Variants in IPP observed in about 807,000 individuals in gnomAD.
The protein encoded by IPP is intracisternal A particle-promoted polypeptide, also known as actin-binding protein IPP.
IPP carries 41 observed loss-of-function variants against 64.1 expected under a neutral mutation model. The observed-to-expected ratio is 0.64, with a 90% CI of 0.50 to 0.83. The LOEUF (loss-of-function observed/expected upper bound fraction) is 0.83, where lower values mean the gene tolerates loss of function less well. IPP is among the 40% of genes least tolerant of loss of function. The pLI, the probability that IPP is intolerant of heterozygous loss-of-function variation, is 0.00. For missense variants in IPP, 649 were observed against 703.0 expected (o/e 0.92, Z 0.87); for synonymous variants, 214 against 235.2 (o/e 0.91, Z 0.83).
chr1:45,747,834 C>CAAAAAAAAAAAA (rs60576414), intron 1 of IPP, among the ~76,000 whole-genome samples: 1 of 39,296 alleles, frequency 2.5e-5, no homozygotes, highest in South Asian at 1.3e-3. Flanking sequence ...GACTCTGTCT[C>CAAAAAAAAAAAA]AAAAAAAAAA....
chr1:45,708,932 G>A (rs942495470), intron 8 of IPP, among the ~76,000 whole-genome samples: 2 of 149,928 alleles, frequency 1.3e-5, no homozygotes, highest in African/African-American at 4.9e-5. Flanking sequence ...TACTTGGGAG[G>A]CTGAGGCAGG....
chr1:45,734,231 A>G (rs1215518237), intron 3 of IPP, among the ~76,000 whole-genome samples: 1 of 152,138 alleles, frequency 6.6e-6, no homozygotes, highest in Non-Finnish European at 1.5e-5. Context: ...ACAATTTGAA[A>G]CTATGATTCT....
At chr1:45,730,227 C>A (rs1645888952) in intron 3 of IPP, among the ~76,000 whole-genome samples, 1 of 152,010 alleles carries the variant, frequency 6.6e-6, no homozygotes, top group South Asian at 2.1e-4. Context: ...TGGCACATGC[C>A]TATAGTTCCA....
At chr1:45,727,599 TAATTAAG>T in intron 5 of IPP, 25 bp downstream of exon 5, 4 of 1,401,898 alleles carry the variant, frequency 2.9e-6, no homozygotes, top group Non-Finnish European at 3.9e-6. Flanking sequence ...CCAACAAGAC[TAATTAAG>T]AAAATAAGAC....
intron 8 of IPP, among the ~76,000 whole-genome samples, chr1:45,701,727 TATG>T (rs2148546056): frequency 6.6e-6 from 1 of 152,320 alleles, no homozygotes; most frequent in South Asian, 2.1e-4. Flanking sequence ...AAATAAAGCA[TATG>T]ATGAACAAAG....
chr1:45,730,380 C>T (rs1265218511), intron 3 of IPP, among the ~76,000 whole-genome samples: 3 of 151,342 alleles, frequency 2.0e-5, no homozygotes, highest in Non-Finnish European at 4.4e-5. Flanking sequence ...AGAAGAATTT[C>T]CAAATAAAGA....
At chr1:45,714,536 T>G in intron 7 of IPP, 70 bp from the exon 8 acceptor site, 1 of 887,756 alleles carries the variant, frequency 1.1e-6, no homozygotes, top group Non-Finnish European at 1.9e-6. Context: ...AAGTAATGAT[T>G]GTGATCTATG....
chr1:45,748,666 T>C (rs1390706416), intron 1 of IPP, among the ~76,000 whole-genome samples: 1 of 151,976 alleles, frequency 6.6e-6, no homozygotes, highest in Non-Finnish European at 1.5e-5. Context: ...AGCAAGACCG[T>C]GTCTCAACAA....
chr1:45,725,482 G>A lies in IPP; in HGVS notation c.1048+2149C>T, dbSNP rs1378235049. Among the ~76,000 whole-genome samples the A allele has an allele frequency of 2.4e-4, 31 of 129,714 alleles. No individual in the cohort carries two copies. The East Asian group carries it at 3.7e-3, about 15-fold the overall frequency. The allele number at this position is 129,714 out of a possible 152,430, so 85.1% of individuals were successfully genotyped here. ...AGGGAGGTGGGGGTGTCAGCCCCCCGCCCGGCCAGCCGCCCCATCCGGGAG... is the reference window on the plus strand; with the variant it reads ...AGGGAGGTGGGGGTGTCAGCCCCCCACCCGGCCAGCCGCCCCATCCGGGAG... On this transcript the variant is annotated intron_variant, in intron 5 of 8. Coordinates refer to ENST00000396478, the MANE Select transcript of IPP (RefSeq NM_005897.3).
intron 1 of IPP, among the ~76,000 whole-genome samples, chr1:45,746,793 CA>C (rs1646139952): frequency 6.6e-6 from 1 of 152,094 alleles, no homozygotes; most frequent in African/African-American, 2.4e-5. Flanking sequence ...TAACAAAGCA[CA>C]CATCACAGAG....
intron 8 of IPP, among the ~76,000 whole-genome samples, chr1:45,704,322 C>T (rs571524976): frequency 6.6e-6 from 1 of 151,744 alleles, no homozygotes; most frequent in Admixed American, 6.6e-5. Context: ...ACTGCAGCCT[C>T]GGCTTCCTGG....
chr1:45,726,167 A>AG (rs1283745568), intron 5 of IPP, among the ~76,000 whole-genome samples: 1 of 151,206 alleles, frequency 6.6e-6, no homozygotes, highest in Non-Finnish European at 1.5e-5. Context: ...CTCTAAAAAA[A>AG]AAAAAAAATG....
chr1:45,722,685 C>A (rs1386998432), intron 5 of IPP, among the ~76,000 whole-genome samples: 1 of 151,684 alleles, frequency 6.6e-6, no homozygotes, highest in African/African-American at 2.4e-5. Flanking sequence ...TAAGTATATA[C>A]CCAAAAGAAA....
At chr1:45,705,190 C>T (rs1355208599) in intron 8 of IPP, among the ~76,000 whole-genome samples, 1 of 152,210 alleles carries the variant, frequency 6.6e-6, no homozygotes, top group African/African-American at 2.4e-5. Flanking sequence ...GCTCTCCTGC[C>T]CTGCTACAGC....
At chr1:45,721,714 A>C (rs555366008) in intron 5 of IPP, among the ~76,000 whole-genome samples, 48 of 152,394 alleles carry the variant, frequency 3.1e-4, no homozygotes, top group Admixed American at 3.9e-4. Context: ...CCTACAAATC[A>C]ACAAAATAGA....
intron 4 of IPP, among the ~76,000 whole-genome samples, chr1:45,729,258 T>C (rs1411734222): frequency 6.6e-6 from 1 of 152,100 alleles, no homozygotes; most frequent in African/African-American, 2.4e-5. Context: ...ATGACTAGGA[T>C]ACTGTGAATA....
chr1:45,699,606 A>G lies in IPP; in HGVS notation c.*360T>C, dbSNP rs1305836366. 1.0e-6 allele frequency: 1 copy of G among 999,130 alleles called. No homozygotes were observed. Among genetic ancestry groups the G allele is most frequent in the Admixed American group, 5.6e-5 (1 of 17,998 alleles). 61.9% of individuals were successfully genotyped at this position (999,130 alleles called of 1,614,324 possible). A position where few individuals can be genotyped will look rare whatever the true frequency, so the allele number is the denominator to read the frequency against. The stretch of plus-strand genomic sequence containing the variant: ...GCAAATCTGTGTGAGCTCTTTATTA[A>G]TTGGGATATATTCCATATCCATTCT... On this transcript the variant is annotated 3_prime_UTR_variant, in exon 9 of 9. Coordinates refer to ENST00000396478, the MANE Select transcript of IPP (RefSeq NM_005897.3).
downstream of IPP, among the ~76,000 whole-genome samples, chr1:45,696,001 G>C (rs904248278): frequency 2.0e-5 from 3 of 152,104 alleles, no homozygotes; most frequent in African/African-American, 7.2e-5. Flanking sequence ...TTTCCACTCA[G>C]TCTCAATCTG....
intron 6 of IPP, among the ~76,000 whole-genome samples, chr1:45,718,538 G>T (rs889189875): frequency 1.3e-5 from 2 of 150,302 alleles, no homozygotes; most frequent in Non-Finnish European, 3.0e-5. Flanking sequence ...CCGCCTGAGT[G>T]CCTCCTTAGG....
Sources: allele counts gnomAD v4.1 joint callset (sites outside exome capture counted in the v4.1 genomes callset), GRCh38; gene constraint gnomAD v4.1.1; transcripts MANE v1.5; gene names NCBI Gene and HGNC (gene_info 2026-07-23, HGNC 2026-07-21).